CCSER1: variants seen among roughly 807,000 people sequenced by gnomAD.
CCSER1 encodes serine-rich coiled-coil domain-containing protein 1.
A neutral mutation model predicts 82.0 loss-of-function variants in CCSER1; 41 were observed. The ratio of observed to expected loss-of-function variants is 0.50; its 90% CI spans 0.39 to 0.65. The LOEUF (loss-of-function observed/expected upper bound fraction) is 0.65. Ranked by LOEUF, CCSER1 falls within the 30% of genes least tolerant of loss-of-function variation. CCSER1 has a pLI of 0.00. For synonymous variants in CCSER1, 414 were observed against 383.9 expected (o/e 1.08, Z -0.92); for missense variants, 1,119 against 1,064.2 (o/e 1.05, Z -0.72).
intron 1 of CCSER1, among the ~76,000 whole-genome samples, chr4:90,254,196 A>G (rs1722858597): frequency 6.6e-6 from 1 of 152,130 alleles, no homozygotes; most frequent in African/African-American, 2.4e-5. Flanking sequence ...TGAACTTCCC[A>G]TGCCCTGTCC....
At chr4:90,234,214 C>CTT (rs555966703) in intron 1 of CCSER1, among the ~76,000 whole-genome samples, 3 of 141,460 alleles carry the variant, frequency 2.1e-5, no homozygotes, top group Non-Finnish European at 3.1e-5. Flanking sequence ...CTCTCTTATT[C>CTT]TTTTTTTTTT....
chr4:90,464,764 G>A (rs1763393918), intron 4 of CCSER1, among the ~76,000 whole-genome samples: 1 of 152,132 alleles, frequency 6.6e-6, no homozygotes, highest in African/African-American at 2.4e-5. Flanking sequence ...ATATGGAATG[G>A]CTTGACACTG....
chr4:90,899,212 C>A (rs1200804051), intron 8 of CCSER1, among the ~76,000 whole-genome samples: 1 of 151,780 alleles, frequency 6.6e-6, no homozygotes, highest in Non-Finnish European at 1.5e-5. Flanking sequence ...TTTTTTGTGG[C>A]AATTGTAAAT....
intron 10 of CCSER1, among the ~76,000 whole-genome samples, chr4:91,272,633 T>A (rs1351940650): frequency 6.6e-6 from 1 of 152,232 alleles, no homozygotes; most frequent in East Asian, 1.9e-4. Flanking sequence ...TTGTTTTTAT[T>A]GCATTTGGTT....
intron 10 of CCSER1, among the ~76,000 whole-genome samples, chr4:91,105,772 A>T (rs549058313): frequency 1.3e-5 from 2 of 152,294 alleles, no homozygotes; most frequent in African/African-American, 2.4e-5. Flanking sequence ...GTCTGCAATT[A>T]TGATATTCCA....
At chr4:91,168,664 G>T (rs376185231) in intron 10 of CCSER1, among the ~76,000 whole-genome samples, 6 of 152,074 alleles carry the variant, frequency 3.9e-5, no homozygotes, top group Admixed American at 3.9e-4. Context: ...GCCTCTGCCC[G>T]ACCGCCCCAT....
At chr4:90,231,357 C>G (rs1744499102) in intron 1 of CCSER1, among the ~76,000 whole-genome samples, 1 of 151,780 alleles carries the variant, frequency 6.6e-6, no homozygotes, top group Non-Finnish European at 1.5e-5. Flanking sequence ...ATAAACAGAA[C>G]CAAAGACAAA....
chr4:90,178,314 G>A (rs992125599), intron 1 of CCSER1, among the ~76,000 whole-genome samples: 1 of 151,996 alleles, frequency 6.6e-6, no homozygotes, highest in Non-Finnish European at 1.5e-5. Flanking sequence ...TAAAAATACA[G>A]TAACAGGGAA....
intron 4 of CCSER1, among the ~76,000 whole-genome samples, chr4:90,414,427 A>G (rs1755487166): frequency 6.6e-6 from 1 of 151,980 alleles, no homozygotes; most frequent in Admixed American, 6.6e-5. Flanking sequence ...AGACATTTCT[A>G]TTTTCTTGTG....
chr4:90,644,496 T>C (rs1000276082), intron 6 of CCSER1, among the ~76,000 whole-genome samples: 33 of 152,122 alleles, frequency 2.2e-4, no homozygotes, highest in African/African-American at 7.5e-4. Context: ...TTCCAGGATA[T>C]ATGTGCAGAA....
At chr4:91,391,311 T>A (rs1751636256) in intron 10 of CCSER1, among the ~76,000 whole-genome samples, 1 of 152,176 alleles carries the variant, frequency 6.6e-6, no homozygotes, top group African/African-American at 2.4e-5. Flanking sequence ...TTATTTTTAT[T>A]TTTTATTGAG....
chr4:91,060,769 G>A (rs1338173516), intron 9 of CCSER1, among the ~76,000 whole-genome samples: 1 of 151,980 alleles, frequency 6.6e-6, no homozygotes, highest in East Asian at 1.9e-4. Context: ...GTTGATAATG[G>A]TGTAAATATT....
intron 6 of CCSER1, among the ~76,000 whole-genome samples, chr4:90,716,111 TG>T (rs2042657363): frequency 6.6e-6 from 1 of 151,462 alleles, no homozygotes; most frequent in Non-Finnish European, 1.5e-5. Flanking sequence ...TAAATATTTG[TG>T]TATATTTTTC....
At chr4:91,597,208 T>C (rs1388382872) in intron 10 of CCSER1, among the ~76,000 whole-genome samples, 2 of 152,046 alleles carry the variant, frequency 1.3e-5, no homozygotes, top group Non-Finnish European at 1.5e-5. Flanking sequence ...GCTACAATTT[T>C]CCAGTCTGTA....
At chr4:90,201,463 A>G (rs368960808) in intron 1 of CCSER1, among the ~76,000 whole-genome samples, 275 of 151,642 alleles carry the variant, frequency 1.8e-3, no homozygotes, top group African/African-American at 6.4e-3. Flanking sequence ...TGATTTTGTT[A>G]TCTCATAGCC....
intron 10 of CCSER1, among the ~76,000 whole-genome samples, chr4:91,090,404 C>T (rs1561540383): frequency 6.6e-6 from 1 of 152,170 alleles, no homozygotes; most frequent in Non-Finnish European, 1.5e-5. Context: ...TGGAAATTTA[C>T]TGAATGGATT....
At chr4:90,578,771 A>G (rs1016285706) in intron 5 of CCSER1, among the ~76,000 whole-genome samples, 1 of 152,174 alleles carries the variant, frequency 6.6e-6, no homozygotes, top group African/African-American at 2.4e-5. Flanking sequence ...AGTATCTAGG[A>G]AAATCCTGAT....
intron 4 of CCSER1, among the ~76,000 whole-genome samples, chr4:90,455,836 G>A (rs1762095209): frequency 6.6e-6 from 1 of 152,142 alleles, no homozygotes; most frequent in Non-Finnish European, 1.5e-5. Flanking sequence ...GGGCCTAGTT[G>A]GCAGGAGTTA....
At chr4:90,624,999 CTT>C (rs1723006173) in intron 5 of CCSER1, among the ~76,000 whole-genome samples, 1 of 152,138 alleles carries the variant, frequency 6.6e-6, no homozygotes, top group African/African-American at 2.4e-5. Context: ...GTATCATACT[CTT>C]TCTTTTTTTG....
Sources: gnomAD v4.1 joint callset for allele counts (sites outside exome capture counted in the v4.1 genomes callset) on GRCh38, gnomAD v4.1.1 for gene constraint, MANE v1.5 for transcripts, NCBI Gene and HGNC (gene_info 2026-07-23, HGNC 2026-07-21) for gene names.